Variants in RSPO2 observed in about 807,000 individuals in gnomAD.
The protein encoded by RSPO2 is R-spondin 2, also known as R-spondin-2.
Under a neutral mutation model 30.9 loss-of-function variants are expected in RSPO2, and 14 were observed. That is an observed-to-expected ratio of 0.45 (90% CI 0.30 to 0.71). RSPO2 has a LOEUF of 0.71. Ranked by LOEUF, RSPO2 falls within the 30% of genes least tolerant of loss-of-function variation. The pLI is 0.08. For synonymous variants in RSPO2, 107 were observed against 96.4 expected (o/e 1.11, Z -0.64); for missense variants, 264 against 301.9 (o/e 0.87, Z 0.93).
intron 3 of RSPO2, among the ~76,000 whole-genome samples, chr8:107,963,593 G>A (rs369188496): frequency 5.0e-5 from 7 of 139,278 alleles, no homozygotes; most frequent in East Asian, 2.3e-4. Flanking sequence ...ATAAAACTAC[G>A]TATGTGTGCG....
rs559224599 is a variant in RSPO2 at position 107,986,456 on chromosome 8, T to C, written c.283+2600A>G. 1.9e-4 allele frequency among the ~76,000 whole-genome samples: 29 copies of C among 152,300 alleles called. No homozygotes were observed. The South Asian group carries it at 5.2e-3, about 27-fold the overall frequency. On this transcript the variant is annotated intron_variant, in intron 3 of 5. Coordinates refer to ENST00000276659, the MANE Select transcript of RSPO2 (RefSeq NM_178565.5). ...TAAGGCTGATTTACAGTCACTGCTC[T>C]CCTTTCCATTTCTGAGAAAACTAAG...
At chr8:108,043,947 A>G (rs1426257800) in intron 2 of RSPO2, among the ~76,000 whole-genome samples, 1 of 152,156 alleles carries the variant, frequency 6.6e-6, no homozygotes, top group Non-Finnish European at 1.5e-5. Context: ...AAAAAAGTCA[A>G]TACAAAAGCA....
chr8:107,959,765 C>T (rs1813557746), intron 4 of RSPO2, among the ~76,000 whole-genome samples: 1 of 152,144 alleles, frequency 6.6e-6, no homozygotes, highest in African/African-American at 2.4e-5. Flanking sequence ...TATTAACTCA[C>T]ACATAAGTAG....
At chr8:108,010,338 A>C (rs1217928364) in intron 2 of RSPO2, among the ~76,000 whole-genome samples, 2 of 152,166 alleles carry the variant, frequency 1.3e-5, no homozygotes, top group Admixed American at 6.5e-5. Flanking sequence ...TGCCCTGACA[A>C]ATGTGGGAAA....
rs116095796 is a variant in RSPO2, at chr8:108,082,478, C to T, written c.94+67G>A. 1,268 of 1,235,916 alleles carry T rather than the reference C, an allele frequency of 1.0e-3. 14 individuals carry two copies. In the African/African-American group the frequency reaches 0.017, roughly 17 times the overall value. 76.6% of individuals were successfully genotyped at this position (1,235,916 alleles called of 1,614,324 possible). A position where few individuals can be genotyped will look rare whatever the true frequency, so the allele number is the denominator to read the frequency against. ...ACCATCTGAGCCCCCGGAGCCAGGG[C>T]GTGAGTGAGCGCCTCCACACGCCAC... On this transcript the variant is annotated intron_variant, in intron 2 of 5. Transcript: ENST00000276659.
At chr8:108,015,406 C>T (rs1810854674) in intron 2 of RSPO2, among the ~76,000 whole-genome samples, 1 of 152,140 alleles carries the variant, frequency 6.6e-6, no homozygotes, top group Non-Finnish European at 1.5e-5. Context: ...AGAATTTTTG[C>T]TAACACCTGA....
At chr8:107,957,003 G>T (rs1450462665) in intron 5 of RSPO2, among the ~76,000 whole-genome samples, 1 of 152,168 alleles carries the variant, frequency 6.6e-6, no homozygotes, top group Non-Finnish European at 1.5e-5. Context: ...AAGAGGAAAA[G>T]CTGCTTTCCT....
At chr8:107,947,747 T>C (rs2130395416) in intron 5 of RSPO2, among the ~76,000 whole-genome samples, 1 of 152,328 alleles carries the variant, frequency 6.6e-6, no homozygotes, top group South Asian at 2.1e-4. Context: ...ACCTTCACAC[T>C]CAAATGTCTC....
intron 5 of RSPO2, among the ~76,000 whole-genome samples, chr8:107,914,309 T>C (rs999373565): frequency 6.6e-6 from 1 of 152,062 alleles, no homozygotes; most frequent in African/African-American, 2.4e-5. Flanking sequence ...TTTACTGTGC[T>C]CAAATACTGC....
intron 2 of RSPO2, among the ~76,000 whole-genome samples, chr8:108,068,014 A>T (rs2130718821): frequency 6.6e-6 from 1 of 152,164 alleles, no homozygotes; most frequent in Non-Finnish European, 1.5e-5. Flanking sequence ...GGTTGCAGTG[A>T]GCTGAGACCA....
At chr8:108,075,113 T>G (rs1053581416) in intron 2 of RSPO2, among the ~76,000 whole-genome samples, 4 of 152,228 alleles carry the variant, frequency 2.6e-5, no homozygotes, top group Non-Finnish European at 2.9e-5. Context: ...AAATTATTAT[T>G]CATTCATATG....
intron 3 of RSPO2, among the ~76,000 whole-genome samples, chr8:107,978,440 A>G (rs1814293656): frequency 6.6e-6 from 1 of 152,306 alleles, no homozygotes; most frequent in Non-Finnish European, 1.5e-5. Flanking sequence ...AGGATTCCCT[A>G]TTTAATAAAT....
intron 3 of RSPO2, chr8:107,983,435 A>C (rs907687909): frequency 1.3e-6 from 2 of 1,597,938 alleles, no homozygotes; most frequent in African/African-American, 2.7e-5. Context: ...CCCTCTGTAG[A>C]GGATGCAGAG....
chr8:108,064,681 C>G (rs1350839798), intron 2 of RSPO2, among the ~76,000 whole-genome samples: 2 of 151,994 alleles, frequency 1.3e-5, no homozygotes, highest in Non-Finnish European at 2.9e-5. Flanking sequence ...GGGTATATAC[C>G]CAAAGGATTA....
chr8:107,908,523 G>C (rs1252957775), intron 5 of RSPO2, among the ~76,000 whole-genome samples: 1 of 152,170 alleles, frequency 6.6e-6, no homozygotes, highest in African/African-American at 2.4e-5. Flanking sequence ...TCTACCACAA[G>C]GGGGCAATAA....
chr8:107,972,894 A>G (rs1814050051), intron 3 of RSPO2, among the ~76,000 whole-genome samples: 1 of 152,202 alleles, frequency 6.6e-6, no homozygotes, highest in East Asian at 1.9e-4. Flanking sequence ...GATAGGATTT[A>G]CCATAATCCT....
intron 5 of RSPO2, among the ~76,000 whole-genome samples, chr8:107,932,650 T>C (rs1332014119): frequency 1.3e-5 from 2 of 152,094 alleles, no homozygotes; most frequent in Non-Finnish European, 2.9e-5. Flanking sequence ...TTTATCTCTT[T>C]CACAAGAAAA....
rs538779118 is a variant in RSPO2, at chr8:108,058,862, T to G, written c.94+23683A>C. Reference sequence around the variant, plus strand: ...AAAAATTAATTCAAGATGGATTAAGTACTTAAACATTAGACCTAAAACCAT... The same window carrying G: ...AAAAATTAATTCAAGATGGATTAAGGACTTAAACATTAGACCTAAAACCAT... On this transcript the variant is annotated intron_variant, in intron 2 of 5. Coordinates refer to ENST00000276659, the MANE Select transcript of RSPO2 (RefSeq NM_178565.5). Among the ~76,000 whole-genome samples the G allele has an allele frequency of 6.0e-3, 909 of 150,826 alleles. 9 individuals are homozygous for G. The highest frequency in any genetic ancestry group is 0.022 in the African/African-American group (874 of 40,222).
At chr8:107,966,205 T>G (rs1367421168) in intron 3 of RSPO2, among the ~76,000 whole-genome samples, 1 of 152,078 alleles carries the variant, frequency 6.6e-6, no homozygotes, top group East Asian at 1.9e-4. Context: ...AGTTCAAGAT[T>G]AGGGGTTTGG....
Sources: gnomAD v4.1 joint callset for allele counts (sites outside exome capture counted in the v4.1 genomes callset) on GRCh38, gnomAD v4.1.1 for gene constraint, MANE v1.5 for transcripts, NCBI Gene and HGNC (gene_info 2026-07-23, HGNC 2026-07-21) for gene names.